ZNF714: variants seen among roughly 807,000 people sequenced by gnomAD.
ZNF714 encodes the protein zinc finger protein 714.
Under a neutral mutation model 46.2 loss-of-function variants are expected in ZNF714, and 32 were observed. That is an observed-to-expected ratio of 0.69 (90% CI 0.52 to 0.93). The LOEUF (loss-of-function observed/expected upper bound fraction) is 0.93, where lower values mean the gene tolerates loss of function less well. Ranked by LOEUF, ZNF714 falls within the 40% of genes least tolerant of loss-of-function variation. The pLI is 0.00. For missense variants in ZNF714, 635 were observed against 646.3 expected, an observed-to-expected ratio of 0.98 and a Z score of 0.19; for synonymous variants, 199 against 213.1, an observed-to-expected ratio of 0.93 and a Z score of 0.58.
At chr19:21,087,432 T>A (rs1968810097) in intron 2 of ZNF714, among the ~76,000 whole-genome samples, 1 of 152,174 alleles carries the variant, frequency 6.6e-6, no homozygotes, top group South Asian at 2.1e-4. Flanking sequence ...ACATTTGACA[T>A]GTTTTCTATG....
intron 4 of ZNF714, among the ~76,000 whole-genome samples, chr19:21,101,039 G>A (rs866460190): frequency 1.7e-4 from 26 of 151,982 alleles, no homozygotes; most frequent in African/African-American, 5.8e-4. Context: ...ACTGTTTATG[G>A]TTTTTTATAT....
At position 21,121,739 on chromosome 19, in the gene ZNF714, T is replaced by G. The variant is rs936767567; in HGVS notation, c.*3407T>G. ...ATGCTGAAAGCAAATGTATACTTTGTGCTTTGTATTGAATTTATTACTGTA... is the reference window on the plus strand; with the variant it reads ...ATGCTGAAAGCAAATGTATACTTTGGGCTTTGTATTGAATTTATTACTGTA... On this transcript the variant is annotated 3_prime_UTR_variant, in exon 5 of 5. Transcript: ENST00000456283. 1 of 152,242 alleles carries G rather than the reference T, an allele frequency of 6.6e-6. No homozygotes were observed. The highest frequency in any genetic ancestry group is 2.4e-5 in the African/African-American group (1 of 41,476). The allele number at this position is 152,242 out of a possible 1,614,324, so 9.4% of individuals were successfully genotyped here.
At chr19:21,105,815 C>T (rs963235633) in intron 4 of ZNF714, among the ~76,000 whole-genome samples, 2 of 151,822 alleles carry the variant, frequency 1.3e-5, no homozygotes, top group Non-Finnish European at 2.9e-5. Context: ...ATTAGCCGGG[C>T]GTGCTAGTGC....
At chr19:21,112,739 T>C (rs1010177314) in intron 4 of ZNF714, among the ~76,000 whole-genome samples, 11 of 151,510 alleles carry the variant, frequency 7.3e-5, no homozygotes, top group African/African-American at 2.7e-4. Flanking sequence ...CCATGAACAC[T>C]GCTTTAGCTG....
At chr19:21,099,425 G>A (rs943041723) in intron 4 of ZNF714, among the ~76,000 whole-genome samples, 3 of 150,926 alleles carry the variant, frequency 2.0e-5, no homozygotes, top group Non-Finnish European at 4.4e-5. Context: ...AGTGATCTGC[G>A]CACCTAGGCC....
chr19:21,087,872 C>T (rs1599527577), intron 2 of ZNF714, among the ~76,000 whole-genome samples: 1 of 152,316 alleles, frequency 6.6e-6, no homozygotes, highest in African/African-American at 2.4e-5. Flanking sequence ...ATTTCACTTT[C>T]TCTGCATACC....
chr19:21,092,275 T>G (rs1968927517), intron 2 of ZNF714, among the ~76,000 whole-genome samples: 1 of 152,172 alleles, frequency 6.6e-6, no homozygotes, highest in Non-Finnish European at 1.5e-5. Context: ...CATTGACATG[T>G]GCACACCACT....
Position 21,118,350 on chromosome 19 carries a change from G to A in ZNF714, c.*18G>A, listed in dbSNP as rs911907878. On this transcript the variant is annotated 3_prime_UTR_variant, in exon 5 of 5. Coordinates refer to ENST00000456283, the MANE Select transcript of ZNF714 (RefSeq NM_182515.4). Reference sequence around the variant, plus strand: ...GCCTGTAATCCCAGCTACTTGGGAGGCAGAGGCAGGAGAATCATTTGAACC... The same window carrying A: ...GCCTGTAATCCCAGCTACTTGGGAGACAGAGGCAGGAGAATCATTTGAACC... 4 of 676,850 alleles carry A rather than the reference G, an allele frequency of 5.9e-6. No homozygotes were observed. In the Admixed American group the frequency reaches 1.1e-4, roughly 19 times the overall value. The allele number at this position is 676,850 out of a possible 1,614,324, so 41.9% of individuals were successfully genotyped here.
At position 21,117,826 on chromosome 19, in the gene ZNF714, A is replaced by G; in HGVS notation, c.1162A>G (p.Lys388Glu). ...CCACTCCTCAAAACTTACTATACAT[A>G]AGATAATTCATACTGGAGAGAAACC... is the stretch of plus-strand genomic sequence containing the variant. ...FNHSSKLTIH[K>E]IIHTGEKPYK... The change falls in exon 5 of 5, where the codon AAG becomes GAG. Residue 388 changes from lysine (K) to glutamate (E), a missense_variant. Transcript: ENST00000456283. 1 of 1,612,310 alleles carries G rather than the reference A, an allele frequency of 6.2e-7. No individual in the cohort carries two copies.
Position 21,120,814 on chromosome 19 carries a change from G to C in ZNF714, c.*2482G>C, listed in dbSNP as rs1369570300. 1.3e-5 allele frequency: 2 copies of C among 151,860 alleles called. No individual in the cohort carries two copies. Among genetic ancestry groups the C allele is most frequent in the Admixed American group, 6.6e-5 (1 of 15,240 alleles). 9.4% of individuals were successfully genotyped at this position (151,860 alleles called of 1,614,324 possible). ...AACCGCAAATAAGTTAAAGAATATT[G>C]TTTCTGTAGGTTAAATTTTTATTTT... is the stretch of plus-strand genomic sequence containing the variant. On this transcript the variant is annotated 3_prime_UTR_variant, in exon 5 of 5. Coordinates refer to ENST00000456283, the MANE Select transcript of ZNF714 (RefSeq NM_182515.4).
intron 4 of ZNF714, 48 bp downstream of exon 4, chr19:21,098,958 G>C: frequency 2.9e-6 from 2 of 679,834 alleles, no homozygotes; most frequent in South Asian, 2.2e-5. Context: ...AGGTACAAAG[G>C]TAAAAAAAAA....
intron 2 of ZNF714, among the ~76,000 whole-genome samples, chr19:21,091,966 T>C (rs1968919638): frequency 6.6e-6 from 1 of 152,164 alleles, no homozygotes; most frequent in Non-Finnish European, 1.5e-5. Flanking sequence ...AGAATTCAAA[T>C]GTTAGACATT....
intron 2 of ZNF714, among the ~76,000 whole-genome samples, chr19:21,086,502 A>T (rs1447276228): frequency 6.6e-6 from 1 of 152,166 alleles, no homozygotes; most frequent in African/African-American, 2.4e-5. Flanking sequence ...GTAACTTCTG[A>T]TGTTTCCATG....
intron 2 of ZNF714, 80 bp from the exon 3 acceptor site, chr19:21,098,105 T>C (rs1046881027): frequency 1.3e-6 from 2 of 1,524,514 alleles, no homozygotes; most frequent in East Asian, 2.3e-5. Flanking sequence ...TACTCTCTCA[T>C]TTCACCTTAA....
Position 21,112,816 on chromosome 19 carries a change from ATTT to A in ZNF714, c.143-3969_143-3967del, listed in dbSNP as rs74172391. ...GTTTCAAATAGTTTTTTTATTTCTG[ATTT>A]TTTTTTTTTTTTTTTTTTTTTGAGA... On this transcript the variant is annotated intron_variant, in intron 4 of 4. Coordinates refer to ENST00000456283, the MANE Select transcript of ZNF714 (RefSeq NM_182515.4). 6.7e-4 allele frequency among the ~76,000 whole-genome samples: 29 copies of A among 43,218 alleles called. No individual in the cohort carries two copies. The Admixed American group carries it at 1.0e-2, about 15-fold the overall frequency. 28.4% of individuals were successfully genotyped at this position (43,218 alleles called of 152,430 possible). A position where few individuals can be genotyped will look rare whatever the true frequency, so the allele number is the denominator to read the frequency against.
chr19:21,102,763 T>TA (rs1969213137), intron 4 of ZNF714, among the ~76,000 whole-genome samples: 2 of 152,208 alleles, frequency 1.3e-5, no homozygotes, highest in Non-Finnish European at 2.9e-5. Context: ...AAAGGTATAT[T>TA]AATGTTGCAT....
intron 4 of ZNF714, among the ~76,000 whole-genome samples, chr19:21,099,467 ACCG>A (rs1969122792): frequency 3.3e-5 from 5 of 151,612 alleles, no homozygotes; most frequent in Admixed American, 6.6e-5. Context: ...AGTGTGAGCC[ACCG>A]TGCCCAGCTG....
chr19:21,097,402 G>C (rs1007231588), intron 2 of ZNF714, among the ~76,000 whole-genome samples: 1 of 152,144 alleles, frequency 6.6e-6, no homozygotes, highest in Non-Finnish European at 1.5e-5. Context: ...TTGTGCATCA[G>C]CACATCATAA....
chr19:21,121,574 G>A lies in ZNF714; in HGVS notation c.*3242G>A, dbSNP rs1969704127. Reference sequence around the variant, plus strand: ...AGAGTTAAATATGTATTAGTCTAAAGACAAACTTTAGGTGTAAGAAAATTA... The same window carrying A: ...AGAGTTAAATATGTATTAGTCTAAAAACAAACTTTAGGTGTAAGAAAATTA... On this transcript the variant is annotated 3_prime_UTR_variant, in exon 5 of 5. Coordinates refer to ENST00000456283, the MANE Select transcript of ZNF714 (RefSeq NM_182515.4). The A allele has an allele frequency of 6.6e-6, 1 of 152,132 alleles. No individual in the cohort carries two copies. Among genetic ancestry groups the A allele is most frequent in the African/African-American group, 2.4e-5 (1 of 41,430 alleles). 9.4% of individuals were successfully genotyped at this position (152,132 alleles called of 1,614,324 possible).
Sources: gnomAD v4.1 joint callset for allele counts (sites outside exome capture counted in the v4.1 genomes callset) on GRCh38, gnomAD v4.1.1 for gene constraint, MANE v1.5 for transcripts, NCBI Gene and HGNC (gene_info 2026-07-23, HGNC 2026-07-21) for gene names.